The following ADRA1A variants were observed in gnomAD, a reference collection of about 807,000 sequenced individuals.
ADRA1A encodes the protein alpha-1A adrenergic receptor.
ADRA1A carries 31 observed loss-of-function variants against 29.6 expected under a neutral mutation model. The observed-to-expected ratio is 1.05, with a 90% CI of 0.79 to 1.41. The LOEUF (loss-of-function observed/expected upper bound fraction) is 1.41, where lower values mean the gene tolerates loss of function less well. ADRA1A is among the 40% of genes most tolerant of loss of function. The pLI, the probability that ADRA1A is intolerant of heterozygous loss-of-function variation, is 0.00. For missense variants in ADRA1A, 619 were observed against 601.1 expected, an observed-to-expected ratio of 1.03 and a Z score of -0.31; for synonymous variants, 311 against 254.3, an observed-to-expected ratio of 1.22 and a Z score of -2.12.
intron 2 of ADRA1A, among the ~76,000 whole-genome samples, chr8:26,812,587 G>A (rs1379667726): frequency 6.6e-6 from 1 of 151,482 alleles, no homozygotes; most frequent in Admixed American, 6.6e-5. Context: ...TTCTTGTGAA[G>A]CCAGTTCTTA....
chr8:26,786,398 G>C (rs1807393259), intron 2 of ADRA1A, among the ~76,000 whole-genome samples: 1 of 151,754 alleles, frequency 6.6e-6, no homozygotes, highest in African/African-American at 2.4e-5. Flanking sequence ...CTATAGCCCA[G>C]TTAATTTTTG....
intron 2 of ADRA1A, among the ~76,000 whole-genome samples, chr8:26,852,033 C>A (rs1812674428): frequency 6.6e-6 from 1 of 152,124 alleles, no homozygotes. Context: ...TTATTGAGCT[C>A]ACACTCTCTG....
At chr8:26,793,279 A>G (rs1350057200) in intron 2 of ADRA1A, among the ~76,000 whole-genome samples, 1 of 152,018 alleles carries the variant, frequency 6.6e-6, no homozygotes, top group Non-Finnish European at 1.5e-5. Context: ...GATACAGACA[A>G]CAAAATATGT....
rs1367015573 is a variant in ADRA1A, at chr8:26,787,287, C to A, written c.884-16621G>T. ...AGAAAATTAATCACACATTCCATGT[C>A]CTATTTTTTCAGAAAGCAGAGACAT... On this transcript the variant is annotated intron_variant, in intron 2 of 2. Transcript: ENST00000380573. This position sits in a 1 kb window ranked among gnomAD's most constrained non-coding sequence, Gnocchi z 4.2. Among the ~76,000 whole-genome samples the A allele has an allele frequency of 6.6e-6, 1 of 152,064 alleles. No homozygotes were observed. Among genetic ancestry groups the A allele is most frequent in the African/African-American group, 2.4e-5 (1 of 41,366 alleles).
At chr8:26,780,625 G>T (rs1563247151) in intron 2 of ADRA1A, among the ~76,000 whole-genome samples, 1 of 152,132 alleles carries the variant, frequency 6.6e-6, no homozygotes, top group Non-Finnish European at 1.5e-5. Flanking sequence ...TTTCTTTATA[G>T]CAGGGAAACC....
rs1809676470 is a variant in ADRA1A, at chr8:26,815,254, G to A, written c.884-44588C>T. The stretch of plus-strand genomic sequence containing the variant: ...TGCAGATTTCCTTTTCTGGAAATAG[G>A]GCATTCTAGAATACTGAAAACTATT... On this transcript the variant is annotated intron_variant, in intron 2 of 2. Coordinates refer to ENST00000380573, the MANE Select transcript of ADRA1A (RefSeq NM_000680.4). This position sits in a 1 kb window ranked among gnomAD's most constrained non-coding sequence, Gnocchi z 4.2. Among the ~76,000 whole-genome samples the A allele has an allele frequency of 6.6e-6, 1 of 152,100 alleles. No individual in the cohort carries two copies. The highest frequency in any genetic ancestry group is 6.6e-5 in the Admixed American group (1 of 15,266).
intron 2 of ADRA1A, among the ~76,000 whole-genome samples, chr8:26,822,412 T>C (rs980489858): frequency 3.3e-5 from 5 of 152,220 alleles, no homozygotes; most frequent in African/African-American, 1.2e-4. Context: ...GTGGCCAGGA[T>C]CATTGAGGAA....
Position 26,865,035 on chromosome 8 carries a change from G to A in ADRA1A, c.-66C>T, listed in dbSNP as rs569752930. 3.0e-5 allele frequency: 46 copies of A among 1,519,146 alleles called. No homozygotes were observed. In the African/African-American group the frequency reaches 6.2e-4, roughly 21 times the overall value. The allele number at this position is 1,519,146 out of a possible 1,614,324, so 94.1% of individuals were successfully genotyped here. ...CACCTCCCGGGCTGGCGCGGAGGCG[G>A]GAGCGCGGGAGCCGGGAATCAAAAG... On this transcript the variant is annotated 5_prime_UTR_variant, in exon 2 of 3. Transcript: ENST00000380573. This position sits in a 1 kb window ranked among gnomAD's most constrained non-coding sequence, Gnocchi z 7.6.
At chr8:26,856,413 C>A (rs1813050156) in intron 2 of ADRA1A, among the ~76,000 whole-genome samples, 1 of 152,208 alleles carries the variant, frequency 6.6e-6, no homozygotes, top group South Asian at 2.1e-4. Flanking sequence ...TCATGTCATT[C>A]CTGCTCATCT....
chr8:26,779,225 G>A (rs1806772996), intron 2 of ADRA1A: 3 of 684,052 alleles, frequency 4.4e-6, no homozygotes, highest in Non-Finnish European at 8.0e-6. Context: ...AACAGTTCCT[G>A]CCAGAAGAAT....
intron 2 of ADRA1A, among the ~76,000 whole-genome samples, chr8:26,772,786 A>G (rs1806266325): frequency 6.6e-6 from 1 of 152,138 alleles, no homozygotes; most frequent in South Asian, 2.1e-4. Context: ...AGAAGACACA[A>G]TAGTGTGGTT....
At position 26,775,741 on chromosome 8, in the gene ADRA1A, C is replaced by A. The variant is rs114146543; in HGVS notation, c.884-5075G>T. Among the ~76,000 whole-genome samples the A allele has an allele frequency of 2.2e-3, 332 of 152,332 alleles. 2 individuals are homozygous for A. The highest frequency in any genetic ancestry group is 7.7e-3 in the African/African-American group (320 of 41,568). On this transcript the variant is annotated intron_variant, in intron 2 of 2. Coordinates refer to ENST00000380573, the MANE Select transcript of ADRA1A (RefSeq NM_000680.4). The surrounding 1 kb of genome is among the most constrained non-coding windows in gnomAD (Gnocchi z 4.1). ...CACCATTTGGTCTGCTGCAGAATTT[C>A]TGCCTCTTTCCTGACCCTCTGGACA...
intron 2 of ADRA1A, among the ~76,000 whole-genome samples, chr8:26,780,653 T>C: frequency 6.6e-6 from 1 of 152,228 alleles, no homozygotes; most frequent in East Asian, 1.9e-4. Flanking sequence ...CACAGACCAG[T>C]ACCAGTCTGT....
intron 2 of ADRA1A, among the ~76,000 whole-genome samples, chr8:26,855,413 TAAA>T (rs80130885): frequency 4.3e-5 from 6 of 139,092 alleles, no homozygotes; most frequent in Admixed American, 7.2e-5. Context: ...AGCTTACCGA[TAAA>T]AAAAAAAAGA....
intron 2 of ADRA1A, among the ~76,000 whole-genome samples, chr8:26,776,598 T>A (rs1806565005): frequency 6.6e-6 from 1 of 152,178 alleles, no homozygotes; most frequent in Non-Finnish European, 1.5e-5. Context: ...TCCTGATCTT[T>A]GTGTGCCGTT....
chr8:26,846,379 G>A lies in ADRA1A; in HGVS notation c.883+17708C>T, dbSNP rs1047004993. Among the ~76,000 whole-genome samples the A allele has an allele frequency of 2.0e-5, 3 of 152,182 alleles. No individual in the cohort carries two copies. In the East Asian group the frequency reaches 5.8e-4, roughly 29 times the overall value. ...TGGGCTGGTTAATTCTCTGTTGTGG[G>A]GGCTGTCCTGTGGTTGTGGAACATT... On this transcript the variant is annotated intron_variant, in intron 2 of 2. Transcript: ENST00000380573.
chr8:26,865,631 C>CG lies in ADRA1A; in HGVS notation c.-663dup. 3 of 986,008 alleles carry CG rather than the reference C, an allele frequency of 3.0e-6. No homozygotes were observed. Among genetic ancestry groups the CG allele is most frequent in the Non-Finnish European group, 3.6e-6 (3 of 830,504 alleles). 61.1% of individuals were successfully genotyped at this position (986,008 alleles called of 1,614,324 possible). On this transcript the variant is annotated 5_prime_UTR_variant, in exon 2 of 3. An upstream open reading frame in the 5' UTR gains an earlier in-frame stop. Transcript: ENST00000380573. This position sits in a 1 kb window ranked among gnomAD's most constrained non-coding sequence, Gnocchi z 7.6. ...ATATGTGCTGAGACCCAGGAGGCTG[C>CG]GGGGCATCGTTTGACCGCGTCCACC...
At position 26,771,492 on chromosome 8, in the gene ADRA1A, A is replaced by G. The variant is rs1364525244; in HGVS notation, c.884-826T>C. On this transcript the variant is annotated intron_variant, in intron 2 of 2. Coordinates refer to ENST00000380573, the MANE Select transcript of ADRA1A (RefSeq NM_000680.4). Reference sequence around the variant, plus strand: ...CACCTTCTCTACCTACCCAAACCCTACCCGTTGATGTGCACGGCAGGAACC... The same window carrying G: ...CACCTTCTCTACCTACCCAAACCCTGCCCGTTGATGTGCACGGCAGGAACC... Among the ~76,000 whole-genome samples, 5 of 151,864 alleles carry G rather than the reference A, an allele frequency of 3.3e-5. No individual in the cohort carries two copies. The East Asian group carries it at 9.7e-4, about 29-fold the overall frequency.
rs528677959 is a variant in ADRA1A at position 26,770,451 on chromosome 8, C to T, written c.1099G>A (p.Val367Met). 3.7e-5 allele frequency: 60 copies of T among 1,614,064 alleles called. No homozygotes were observed. The highest frequency in any genetic ancestry group is 2.7e-4 in the South Asian group (25 of 91,088). Reference sequence around the variant, plus strand: ...ACCATGTCCTTGTGTTGCCCTTCCACGGCCTGGCTGGGCGGGTGCAGGGTG... The same window carrying T: ...ACCATGTCCTTGTGTTGCCCTTCCATGGCCTGGCTGGGCGGGTGCAGGGTG... ...GYTLHPPSQAVEGQHKDMVRI... is the reference protein window; with the variant it reads ...GYTLHPPSQAMEGQHKDMVRI... The change falls in exon 3 of 3, where the codon GTG (valine) becomes ATG (methionine). Residue 367 changes from valine (V) to methionine (M), a missense_variant. By Grantham distance (21) the Val-to-Met change is conservative (BLOSUM62 1). Coordinates refer to ENST00000380573, the MANE Select transcript of ADRA1A (RefSeq NM_000680.4).
Sources: allele counts gnomAD v4.1 joint callset (sites outside exome capture counted in the v4.1 genomes callset), GRCh38; gene constraint gnomAD v4.1.1; non-coding constraint Gnocchi (gnomAD v3.1); transcripts MANE v1.5; gene names NCBI Gene and HGNC (gene_info 2026-07-23, HGNC 2026-07-21).